The following HSPA12A variants were observed in gnomAD, a reference collection of about 807,000 sequenced individuals.
HSPA12A encodes the protein heat shock 70 kDa protein 12A.
In HSPA12A, 28 loss-of-function variants were observed where a neutral mutation model predicts 69.2. The ratio of observed to expected loss-of-function variants is 0.40; its 90% confidence interval spans 0.30 to 0.55. The LOEUF (loss-of-function observed/expected upper bound fraction) is 0.55. Ranked by LOEUF, HSPA12A falls within the 20% of genes least tolerant of loss-of-function variation. HSPA12A has a pLI of 0.38. For synonymous variants in HSPA12A, 345 were observed against 370.5 expected (o/e 0.93, Z 0.79); for missense variants, 686 against 900.7 (o/e 0.76, Z 3.05).
chr10:116,696,002 C>CAAAAAAACAAAAAAAAA (rs1849887680), intron 5 of HSPA12A, among the ~76,000 whole-genome samples: 1 of 32,714 alleles, frequency 3.1e-5, no homozygotes, highest in Non-Finnish European at 5.0e-5. Context: ...GACTCCATCT[C>CAAAAAAACAAAAAAAAA]AAAAAAAAAA....
rs781847924 is a variant in HSPA12A, at chr10:116,675,375, G to A, written c.1434C>T (p.Leu478=). The change falls in exon 12 of 12, where the codon CTC becomes CTT. Residue 478 remains leucine (L), a synonymous_variant. Coordinates refer to ENST00000369209, the MANE Select transcript of HSPA12A (RefSeq NM_025015.3). The surrounding 1 kb of genome is among the most constrained non-coding windows in gnomAD (Gnocchi z 5.2). ...QKPEVSTVKF[L]FLVGGFAEAP... Reference sequence around the variant, plus strand: ...CCTCGGCAAAGCCGCCCACCAGAAAGAGGAACTTGACGGTGGACACCTCGG... The same window carrying A: ...CCTCGGCAAAGCCGCCCACCAGAAAAAGGAACTTGACGGTGGACACCTCGG... 2 of 1,609,576 alleles carry A rather than the reference G, an allele frequency of 1.2e-6. No individual in the cohort carries two copies. Among genetic ancestry groups the A allele is most frequent in the South Asian group, 1.1e-5 (1 of 90,436 alleles).
At chr10:116,799,798 C>T (rs576955277) in intron 2 of HSPA12A, among the ~76,000 whole-genome samples, 4 of 152,276 alleles carry the variant, frequency 2.6e-5, no homozygotes, top group South Asian at 2.1e-4. Flanking sequence ...GTGCTCAGCG[C>T]GTGCTTAGTG....
At chr10:116,803,881 T>C (rs1056896507) in intron 2 of HSPA12A, among the ~76,000 whole-genome samples, 2 of 152,144 alleles carry the variant, frequency 1.3e-5, no homozygotes, top group African/African-American at 4.8e-5. Context: ...AATCTGGACA[T>C]TTCTGTTTAA....
At chr10:116,811,619 G>T (rs1426130695) in intron 2 of HSPA12A, among the ~76,000 whole-genome samples, 1 of 145,332 alleles carries the variant, frequency 6.9e-6, no homozygotes, top group Non-Finnish European at 1.5e-5. Flanking sequence ...TGGCCTTGCC[G>T]TCCCCATCCC....
chr10:116,792,259 CAAAAAAA>C (rs55642476), intron 2 of HSPA12A, among the ~76,000 whole-genome samples: 3 of 61,004 alleles, frequency 4.9e-5, no homozygotes, highest in African/African-American at 6.7e-5. Flanking sequence ...AACTCGGTCT[CAAAAAAA>C]AAAAAAAAAA....
Position 116,788,390 on chromosome 10 carries a change from A to G in HSPA12A, c.91+46545T>C, listed in dbSNP as rs143697469. Among the ~76,000 whole-genome samples, 980 of 152,356 alleles carry G rather than the reference A, an allele frequency of 6.4e-3. 8 individuals are homozygous for G. The highest frequency in any genetic ancestry group is 0.011 in the Non-Finnish European group (750 of 68,030). ...AAGCACAGATGCAAACGCAAAATTC[A>G]TATTTTAAATATAGTTCGCAAACTG... is the stretch of plus-strand genomic sequence containing the variant. On this transcript the variant is annotated intron_variant, in intron 2 of 12. Coordinates refer to the HSPA12A transcript ENST00000635765.
intron 10 of HSPA12A, among the ~76,000 whole-genome samples, chr10:116,677,665 A>G (rs1849279498): frequency 6.6e-6 from 1 of 152,184 alleles, no homozygotes; most frequent in Non-Finnish European, 1.5e-5. Context: ...ACTAAAAGGA[A>G]CCAGGGCTTC....
rs540346452 is a variant in HSPA12A, at chr10:116,807,433, C to A, written c.91+27502G>T. Among the ~76,000 whole-genome samples the A allele has an allele frequency of 3.3e-5, 5 of 152,296 alleles. No individual in the cohort carries two copies. In the South Asian group the frequency reaches 1.0e-3, roughly 32 times the overall value. ...TGGTCTTCCTGATACCCTGCTCATA[C>A]CTTTGTAAACAGTCCCCGTATCCAA... On this transcript the variant is annotated intron_variant, in intron 2 of 12. Coordinates refer to the HSPA12A transcript ENST00000635765.
chr10:116,742,572 G>T, upstream of HSPA12A: 5 of 1,144,404 alleles, frequency 4.4e-6, no homozygotes, highest in South Asian at 4.2e-5. Context: ...TGTCTGAGCC[G>T]CCGGGCAGCG....
In HSPA12A at chr10:116,700,927, G is replaced by C. The variant is rs782220310; in HGVS notation, c.441+16C>G. On this transcript the variant is annotated intron_variant, in intron 4 of 11. Transcript: ENST00000369209. ...CCATTGCGGGGGACCTGGGCCCAGG[G>C]GAGAGGCTTGCTCACCCCAGTGGTG... 1.2e-6 allele frequency: 2 copies of C among 1,611,356 alleles called. No individual in the cohort carries two copies. The highest frequency in any genetic ancestry group is 2.2e-5 in the East Asian group (1 of 44,790).
rs1849083119 is a variant in HSPA12A at position 116,671,664 on chromosome 10, C to G, written c.*3117G>C. The G allele has an allele frequency of 6.6e-6, 1 of 152,666 alleles. No homozygotes were observed. The highest frequency in any genetic ancestry group is 1.5e-5 in the Non-Finnish European group (1 of 68,048). 9.5% of individuals were successfully genotyped at this position (152,666 alleles called of 1,614,324 possible). A position where few individuals can be genotyped will look rare whatever the true frequency, so the allele number is the denominator to read the frequency against. On this transcript the variant is annotated 3_prime_UTR_variant, in exon 12 of 12. Coordinates refer to ENST00000369209, the MANE Select transcript of HSPA12A (RefSeq NM_025015.3). ...CAAAAACAGTTGTATGGTTCCTCCT[C>G]TTTCCCCTCCTGTCTGTAACTTGTC...
At chr10:116,750,112 G>T in intron 2 of HSPA12A, 1 of 499,316 alleles carries the variant, frequency 2.0e-6, no homozygotes, top group Non-Finnish European at 3.7e-6. Context: ...GTATGGAAGG[G>T]GATATGATAA....
intron 2 of HSPA12A, among the ~76,000 whole-genome samples, chr10:116,770,252 AG>A (rs1554890260): frequency 6.6e-6 from 1 of 151,996 alleles, no homozygotes; most frequent in East Asian, 1.9e-4. Context: ...GATTACCAAG[AG>A]TTTGGCTTAT....
intron 4 of HSPA12A, among the ~76,000 whole-genome samples, chr10:116,699,337 G>T (rs1378447706): frequency 6.6e-6 from 1 of 152,192 alleles, no homozygotes; most frequent in Non-Finnish European, 1.5e-5. Context: ...TGTGGTCCCA[G>T]AGAGAGGATG....
chr10:116,840,957 G>T (rs1035216162), intron 1 of HSPA12A, among the ~76,000 whole-genome samples: 1 of 152,164 alleles, frequency 6.6e-6, no homozygotes, highest in Non-Finnish European at 1.5e-5. Flanking sequence ...CACTTTGGTA[G>T]CTCCGGTAAA....
At chr10:116,812,624 G>A (rs935690495) in intron 2 of HSPA12A, among the ~76,000 whole-genome samples, 2 of 151,844 alleles carry the variant, frequency 1.3e-5, no homozygotes, top group African/African-American at 4.8e-5. Flanking sequence ...CTCCTGTACA[G>A]CACTGGAGAG....
At chr10:116,756,723 A>G (rs1210886935) in intron 2 of HSPA12A, among the ~76,000 whole-genome samples, 2 of 152,102 alleles carry the variant, frequency 1.3e-5, no homozygotes, top group African/African-American at 2.4e-5. Context: ...TCATTCATTC[A>G]CTCATTTGTG....
chr10:116,835,038 A>T, intron 1 of HSPA12A: 2 of 1,223,034 alleles, frequency 1.6e-6, no homozygotes, highest in Non-Finnish European at 2.0e-6. Context: ...GGAGGGGGGA[A>T]AAGAGTTGCA....
At chr10:116,827,575 C>G (rs776728705) in intron 2 of HSPA12A, 8 of 152,356 alleles carry the variant, frequency 5.3e-5, no homozygotes, top group Non-Finnish European at 1.0e-4. Context: ...CCGCCACTGC[C>G]ATGTCACTGG....
Sources: allele counts gnomAD v4.1 joint callset (sites outside exome capture counted in the v4.1 genomes callset), GRCh38; gene constraint gnomAD v4.1.1; non-coding constraint Gnocchi (gnomAD v3.1); transcripts MANE v1.5; gene names NCBI Gene and HGNC (gene_info 2026-07-23, HGNC 2026-07-21).